The following FRMPD4 variants were observed in gnomAD, a reference collection of about 807,000 sequenced individuals.
The protein encoded by FRMPD4 is FERM and PDZ domain containing 4.
A neutral mutation model predicts 94.1 loss-of-function variants in FRMPD4; 22 were observed. The ratio of observed to expected loss-of-function variants is 0.23; its 90% CI spans 0.17 to 0.33. The LOEUF (loss-of-function observed/expected upper bound fraction) is 0.33, where lower values mean the gene tolerates loss of function less well. FRMPD4 is among the 10% of genes least tolerant of loss of function. The pLI, the probability that FRMPD4 is intolerant of heterozygous loss-of-function variation, is 1.00. For synonymous variants in FRMPD4, 631 were observed against 548.6 expected (o/e 1.15, Z -2.10); for missense variants, 1,111 against 1,339.9 (o/e 0.83, Z 2.67).
chrX:11,911,236 A>C (rs1425565762), intron 3 of FRMPD4, among the ~76,000 whole-genome samples: 1 of 112,139 alleles, frequency 8.9e-6, no homozygotes, highest in African/African-American at 3.2e-5. Flanking sequence ...TCGTTTGTCA[A>C]CTCCTGGTGT....
At chrX:12,291,019 C>CT (rs1264843668) in intron 1 of FRMPD4, among the ~76,000 whole-genome samples, 2 of 443 alleles carry the variant, frequency 4.5e-3, no homozygotes, top group Admixed American at 0.02. Context: ...GTTCACTTCT[C>CT]TTGCAAATCT....
At chrX:11,981,774 G>A (rs2054398587) in intron 3 of FRMPD4, among the ~76,000 whole-genome samples, 1 of 110,365 alleles carries the variant, frequency 9.1e-6, no homozygotes, top group South Asian at 3.8e-4. Context: ...ATGCATTTTT[G>A]CTCTCCATTA....
At chrX:12,633,449 T>A (rs376807551) in intron 4 of FRMPD4, among the ~76,000 whole-genome samples, 3 of 111,863 alleles carry the variant, frequency 2.7e-5, no homozygotes, top group East Asian at 5.6e-4. Context: ...CAGAGGACCC[T>A]TTTGAATGGC....
rs182956612 is a variant in FRMPD4 at position 12,681,335 on chromosome X, G to A, written c.469-2148G>A. Reference sequence around the variant, plus strand: ...AATATCAAAAGCAAATGCGCTCACCGCTGTATGATTTGCTCGTTAATCATT... The same window carrying A: ...AATATCAAAAGCAAATGCGCTCACCACTGTATGATTTGCTCGTTAATCATT... On this transcript the variant is annotated intron_variant, in intron 5 of 16. Transcript: ENST00000675598. Among the ~76,000 whole-genome samples, 341 of 112,324 alleles carry A rather than the reference G, an allele frequency of 3.0e-3. 2 individuals are homozygous for A. Among genetic ancestry groups the A allele is most frequent in the Non-Finnish European group, 4.0e-3 (215 of 53,252 alleles).
At chrX:11,903,583 C>CTT (rs1419661943) in intron 3 of FRMPD4, among the ~76,000 whole-genome samples, 2 of 112,244 alleles carry the variant, frequency 1.8e-5, no homozygotes, top group African/African-American at 6.5e-5. Flanking sequence ...AAATTACAAA[C>CTT]TTAAAAGTCA....
chrX:12,407,332 C>CT (rs955516354), intron 1 of FRMPD4, among the ~76,000 whole-genome samples: 1 of 112,032 alleles, frequency 8.9e-6, no homozygotes, highest in African/African-American at 3.2e-5. Context: ...TGGTCACATA[C>CT]TTTATTCTAT....
At chrX:12,675,441 A>C (rs375593128) in intron 5 of FRMPD4, among the ~76,000 whole-genome samples, 1 of 101,702 alleles carries the variant, frequency 9.8e-6, no homozygotes, top group Non-Finnish European at 2.0e-5. Flanking sequence ...AAAAAAAAAA[A>C]CGACTTTATC....
intron 1 of FRMPD4, among the ~76,000 whole-genome samples, chrX:12,296,333 C>T (rs754837404): frequency 1.2e-4 from 13 of 111,861 alleles, no homozygotes; most frequent in African/African-American, 3.3e-5. Flanking sequence ...CTGAATGCCA[C>T]AAGAATCACA....
chrX:12,573,414 T>G (rs1015699261), intron 2 of FRMPD4, among the ~76,000 whole-genome samples: 1 of 112,395 alleles, frequency 8.9e-6, no homozygotes, highest in Non-Finnish European at 1.9e-5. Flanking sequence ...ACCAGACCTA[T>G]GTAGAAGGAA....
At chrX:12,134,102 G>A (rs1391737823), upstream of FRMPD4, among the ~76,000 whole-genome samples, 1 of 112,184 alleles carries the variant, frequency 8.9e-6, no homozygotes, top group Non-Finnish European at 1.9e-5. Context: ...TGCATGGAAT[G>A]CTCTTCCATA....
At chrX:11,886,063 C>T (rs1158389136) in intron 3 of FRMPD4, among the ~76,000 whole-genome samples, 1 of 111,652 alleles carries the variant, frequency 9.0e-6, no homozygotes, top group Non-Finnish European at 1.9e-5. Context: ...AACCAAGGTG[C>T]CCCTGGGAGA....
intron 1 of FRMPD4, among the ~76,000 whole-genome samples, chrX:12,471,188 GTC>G (rs2148173160): frequency 9.0e-6 from 1 of 111,504 alleles, no homozygotes; most frequent in Non-Finnish European, 1.9e-5. Context: ...CCCCAGCTGA[GTC>G]TGCCATTTCT....
chrX:12,469,809 T>C lies in FRMPD4; in HGVS notation c.42-28871T>C, dbSNP rs1007691555. On this transcript the variant is annotated intron_variant, in intron 1 of 16. Transcript: ENST00000675598. ...TATCCATAGTTGTTTTATAAATGGA[T>C]ACCCTATGTAAAGAAATATGAAGGC... is the stretch of plus-strand genomic sequence containing the variant. Among the ~76,000 whole-genome samples the C allele has an allele frequency of 4.4e-5, 5 of 112,440 alleles. No homozygotes were observed. In the South Asian group the frequency reaches 1.8e-3, roughly 42 times the overall value.
intron 1 of FRMPD4, among the ~76,000 whole-genome samples, chrX:12,389,403 AG>A (rs1378947683): frequency 9.3e-6 from 1 of 107,783 alleles, no homozygotes; most frequent in African/African-American, 3.4e-5. Context: ...TGAACCTGGG[AG>A]GTGGAAATTG....
chrX:12,686,515 G>A (rs1232945252), intron 7 of FRMPD4, among the ~76,000 whole-genome samples: 3 of 112,139 alleles, frequency 2.7e-5, no homozygotes, highest in Admixed American at 9.5e-5. Context: ...CTATCACCAA[G>A]AAGGCTTGGC....
chrX:12,360,049 A>G (rs1476455440), intron 1 of FRMPD4, among the ~76,000 whole-genome samples: 2 of 112,215 alleles, frequency 1.8e-5, no homozygotes, highest in African/African-American at 6.5e-5. Flanking sequence ...TATTTTTAAT[A>G]GCATTCTTTG....
intron 3 of FRMPD4, among the ~76,000 whole-genome samples, chrX:12,018,042 AT>A (rs1254695475): frequency 1.1e-4 from 12 of 111,199 alleles, no homozygotes; most frequent in African/African-American, 3.6e-4. Flanking sequence ...AATGAGAGCA[AT>A]TTTTTATAAA....
At chrX:12,694,485 A>AAT in intron 9 of FRMPD4, 31 bp downstream of exon 9, 1 of 1,124,471 alleles carries the variant, frequency 8.9e-7, no homozygotes, top group Non-Finnish European at 1.2e-6. Context: ...GTTTTATATC[A>AAT]ATGTTGTGAT....
At chrX:12,342,870 T>A (rs1184461201) in intron 1 of FRMPD4, among the ~76,000 whole-genome samples, 1 of 112,270 alleles carries the variant, frequency 8.9e-6, no homozygotes, top group Admixed American at 9.4e-5. Context: ...ACCATTCCCG[T>A]TTCACAGATT....
Sources: gnomAD v4.1 joint callset for allele counts (sites outside exome capture counted in the v4.1 genomes callset) on GRCh38, gnomAD v4.1.1 for gene constraint, MANE v1.5 for transcripts, NCBI Gene and HGNC (gene_info 2026-07-23, HGNC 2026-07-21) for gene names.